Variants in TEKT1 observed in about 807,000 individuals in gnomAD.
TEKT1 encodes the protein tektin 1.
TEKT1 carries 32 observed loss-of-function variants against 34.8 expected under a neutral mutation model. The ratio of observed to expected loss-of-function variants is 0.92; its 90% CI spans 0.69 to 1.23. TEKT1 has a LOEUF of 1.23. Ranked by LOEUF, TEKT1 falls within the 50% of genes most tolerant of loss-of-function variation. The pLI is 0.00. For missense variants in TEKT1, 492 were observed against 518.5 expected (o/e 0.95, Z 0.50); for synonymous variants, 207 against 199.8 (o/e 1.04, Z -0.30).
intron 6 of TEKT1, among the ~76,000 whole-genome samples, chr17:6,808,057 C>A (rs923754869): frequency 1.3e-5 from 2 of 152,192 alleles, no homozygotes; most frequent in African/African-American, 4.8e-5. Context: ...CAGTACCCTC[C>A]CCCAGAGGTG....
intron 6 of TEKT1, among the ~76,000 whole-genome samples, chr17:6,812,481 C>T (rs1328319352): frequency 4.6e-5 from 7 of 152,160 alleles, no homozygotes; most frequent in African/African-American, 9.7e-5. Flanking sequence ...AGTCCATTTC[C>T]GTACTTCACA....
At chr17:6,828,024 A>C (rs895076768) in intron 2 of TEKT1, among the ~76,000 whole-genome samples, 3 of 151,902 alleles carry the variant, frequency 2.0e-5, no homozygotes, top group African/African-American at 7.3e-5. Flanking sequence ...GGCTCACTGC[A>C]ACCTCCACCT....
At chr17:6,821,260 G>T (rs904836334) in intron 2 of TEKT1, among the ~76,000 whole-genome samples, 8 of 152,172 alleles carry the variant, frequency 5.3e-5, no homozygotes, top group Admixed American at 6.5e-5. Flanking sequence ...GGAAGGACTT[G>T]GTGGGAGATA....
chr17:6,800,383 A>G (rs1976753107), intron 7 of TEKT1, 149 bp from the exon 8 acceptor site: 1 of 677,986 alleles, frequency 1.5e-6, no homozygotes, highest in African/African-American at 1.8e-5. Context: ...AGATCTCACT[A>G]ATTTTAGAAT....
intron 3 of TEKT1, among the ~76,000 whole-genome samples, chr17:6,817,777 A>T (rs971484301): frequency 2.0e-5 from 3 of 152,178 alleles, no homozygotes; most frequent in Non-Finnish European, 4.4e-5. Context: ...AATGGGGGTA[A>T]TTATTAGTAC....
intron 1 of TEKT1, among the ~76,000 whole-genome samples, chr17:6,831,024 A>AG (rs1404518016): frequency 9.4e-5 from 11 of 116,654 alleles, no homozygotes; most frequent in African/African-American, 3.8e-4. Flanking sequence ...AAGAGGAAGA[A>AG]GAAGGAGGAG....
chr17:6,815,132 C>G (rs200784562), intron 5 of TEKT1, 31 bp downstream of exon 5: 33 of 1,585,860 alleles, frequency 2.1e-5, no homozygotes, highest in Admixed American at 8.6e-5. Flanking sequence ...CTGGGTCACC[C>G]GCGAGGAGGA....
intron 2 of TEKT1, among the ~76,000 whole-genome samples, chr17:6,827,254 C>T (rs949066532): frequency 2.6e-4 from 38 of 144,556 alleles, no homozygotes; most frequent in African/African-American, 8.9e-4. Flanking sequence ...GATAGTTGTG[C>T]CAATTTTTTT....
chr17:6,830,238 C>A lies in TEKT1; in HGVS notation c.139G>T (p.Glu47Ter), dbSNP rs1904535166. 1.2e-6 allele frequency: 2 copies of A among 1,612,232 alleles called. No individual in the cohort carries two copies. The highest frequency in any genetic ancestry group is 1.7e-6 in the Non-Finnish European group (2 of 1,179,664). ...GATTTTCTTGTGGTCTTTTCAATTT[C>A]ATCCACAAGCCTCTGGCTTTCTGCG... ...LVAESQRLVD[E>*]IEKTTRKSQS... Residue 47 changes from glutamate (E) to a stop codon, truncating the protein, a stop_gained, in exon 2 of 8, where the codon GAA (glutamate) becomes TAA (stop). Coordinates refer to ENST00000338694, the MANE Select transcript of TEKT1 (RefSeq NM_053285.2). LOFTEE classifies it high-confidence loss of function.
At chr17:6,809,756 G>C (rs1369333117) in intron 6 of TEKT1, among the ~76,000 whole-genome samples, 3 of 152,188 alleles carry the variant, frequency 2.0e-5, no homozygotes, top group African/African-American at 7.2e-5. Flanking sequence ...CATACAGTAT[G>C]AGTTTCAAAT....
At position 6,800,907 on chromosome 17, in the gene TEKT1, T is replaced by C; in HGVS notation, c.889A>G (p.Thr297Ala). The C allele has an allele frequency of 6.2e-7, 1 of 1,614,014 alleles. No individual in the cohort carries two copies. The highest frequency in any genetic ancestry group is 8.5e-7 in the Non-Finnish European group (1 of 1,179,954). Residue 297 changes from threonine to alanine, a missense_variant, in exon 7 of 8, where the codon ACA (threonine) becomes GCA (alanine). Thr to Ala is a moderately conservative substitution (Grantham distance 58). Transcript: ENST00000338694. The stretch of plus-strand genomic sequence containing the variant: ...TCAAGGATGGCCTTTTCAAGAGCTG[T>C]AATATTTTTCTCCTGGGAAGCAATC... The part of the protein sequence containing the change: ...EEIASQEKNI[T>A]ALEKAILDQE...
At chr17:6,802,183 C>T (rs546844172) in intron 6 of TEKT1, among the ~76,000 whole-genome samples, 43 of 152,300 alleles carry the variant, frequency 2.8e-4, no homozygotes, top group African/African-American at 8.2e-4. Context: ...GTCCAAATTA[C>T]ATCCCAATGA....
chr17:6,802,537 T>C (rs542792823), intron 6 of TEKT1, among the ~76,000 whole-genome samples: 99 of 152,186 alleles, frequency 6.5e-4, no homozygotes, highest in African/African-American at 2.3e-3. Context: ...AACGTGCAGG[T>C]TTGTTACATA....
At chr17:6,812,735 C>A in intron 6 of TEKT1, 96 bp downstream of exon 6, 1 of 1,217,326 alleles carries the variant, frequency 8.2e-7, no homozygotes, top group Non-Finnish European at 1.2e-6. Context: ...ATCCCAAGCC[C>A]AGAAGTCTAG....
chr17:6,827,718 A>G (rs1904450638), intron 2 of TEKT1, among the ~76,000 whole-genome samples: 1 of 152,182 alleles, frequency 6.6e-6, no homozygotes, highest in African/African-American at 2.4e-5. Context: ...AGGTTTTCCA[A>G]TCCATTAACT....
chr17:6,815,131 C>A (rs368241012), intron 5 of TEKT1, 32 bp downstream of exon 5: 1 of 1,584,996 alleles, frequency 6.3e-7, no homozygotes, highest in Non-Finnish European at 8.6e-7. Context: ...ACTGGGTCAC[C>A]CGCGAGGAGG....
rs34180300 is a variant in TEKT1, at chr17:6,811,306, ATGTGTG to A, written c.852+1519_852+1524del. Among the ~76,000 whole-genome samples the A allele has an allele frequency of 3.7e-4, 56 of 149,744 alleles. No individual in the cohort carries two copies. The highest frequency in any genetic ancestry group is 3.2e-3 in the East Asian group (16 of 5,078). On this transcript the variant is annotated intron_variant, in intron 6 of 7. Transcript: ENST00000338694. The surrounding 1 kb of genome is among the most constrained non-coding windows in gnomAD (Gnocchi z 4.4). Reference sequence around the variant, plus strand: ...ATTATATGTTAATCATATATGCAAAATGTGTGTGTGTGTGTGTGTGTGTGTGTGAAA... The same window carrying A: ...ATTATATGTTAATCATATATGCAAAATGTGTGTGTGTGTGTGTGTGTGAAA...
At chr17:6,815,063 T>C (rs892018688) in intron 5 of TEKT1, 100 bp downstream of exon 5, 99 of 1,469,708 alleles carry the variant, frequency 6.7e-5, no homozygotes, top group Middle Eastern at 2.2e-4. Flanking sequence ...AGCCCACCAC[T>C]TCCAAGCTCT....
rs755883801 is a variant in TEKT1, at chr17:6,800,153, C to T, written c.1131G>A (p.Gln377=). 2 of 1,614,198 alleles carry T rather than the reference C, an allele frequency of 1.2e-6. No individual in the cohort carries two copies. Among genetic ancestry groups the T allele is most frequent in the South Asian group, 2.2e-5 (2 of 91,080 alleles). ...RRQLALQEEI[Q]VKENTIYIDE... ...CGATATAAATGGTGTTCTCTTTGAC[C>T]TGGATCTCCTCCTGCAGGGCAAGCT... The change falls in exon 8 of 8, where the codon CAG becomes CAA. Residue 377 remains glutamine (Q), a synonymous_variant. Transcript: ENST00000338694.
Sources: allele counts gnomAD v4.1 joint callset (sites outside exome capture counted in the v4.1 genomes callset), GRCh38; gene constraint gnomAD v4.1.1; non-coding constraint Gnocchi (gnomAD v3.1); transcripts MANE v1.5; gene names NCBI Gene and HGNC (gene_info 2026-07-23, HGNC 2026-07-21).